The following NELL1 variants were observed in gnomAD, a reference collection of about 807,000 sequenced individuals.
The protein encoded by NELL1 is neural EGFL like 1, also known as protein kinase C-binding protein NELL1.
NELL1 carries 76 observed loss-of-function variants against 107.4 expected under a neutral mutation model. That is an observed-to-expected ratio of 0.71 (90% CI 0.59 to 0.86). The LOEUF is 0.86. NELL1 is among the 40% of genes least tolerant of loss of function. The pLI is 0.00. For missense variants in NELL1, 1,024 were observed against 1,005.5 expected (o/e 1.02, Z -0.25); for synonymous variants, 353 against 341.2 (o/e 1.03, Z -0.38).
intron 15 of NELL1, among the ~76,000 whole-genome samples, chr11:21,523,093 C>T (rs947055742): frequency 6.6e-6 from 1 of 151,884 alleles, no homozygotes; most frequent in African/African-American, 2.4e-5. Flanking sequence ...GTGATCCGCC[C>T]GCCTCGGCAT....
At chr11:20,746,850 T>C (rs1856015541) in intron 2 of NELL1, among the ~76,000 whole-genome samples, 1 of 152,206 alleles carries the variant, frequency 6.6e-6, no homozygotes, top group African/African-American at 2.4e-5. Context: ...TCTACACCAT[T>C]ATATCCTGAA....
At chr11:21,017,670 G>T (rs928400465) in intron 12 of NELL1, among the ~76,000 whole-genome samples, 5 of 152,058 alleles carry the variant, frequency 3.3e-5, no homozygotes, top group African/African-American at 9.7e-5. Flanking sequence ...ACTGGAATAT[G>T]AGCTCCATTC....
At chr11:21,086,665 A>G (rs1854398623) in intron 12 of NELL1, among the ~76,000 whole-genome samples, 1 of 152,126 alleles carries the variant, frequency 6.6e-6, no homozygotes, top group Admixed American at 6.6e-5. Flanking sequence ...ATAATAATTC[A>G]TTAACCCTTT....
At chr11:21,053,250 C>T (rs1002040200) in intron 12 of NELL1, among the ~76,000 whole-genome samples, 3 of 152,098 alleles carry the variant, frequency 2.0e-5, no homozygotes, top group African/African-American at 7.2e-5. Context: ...AGGTATTTCT[C>T]CTAATGCTAT....
intron 15 of NELL1, among the ~76,000 whole-genome samples, chr11:21,497,630 C>A (rs936123311): frequency 2.0e-5 from 3 of 151,674 alleles, no homozygotes; most frequent in South Asian, 2.1e-4. Context: ...CTTTCATACC[C>A]CTCAAAGAAA....
chr11:21,447,738 T>G (rs891858632), intron 15 of NELL1, among the ~76,000 whole-genome samples: 1 of 152,078 alleles, frequency 6.6e-6, no homozygotes, highest in Non-Finnish European at 1.5e-5. Flanking sequence ...TTGCCTGGCT[T>G]GTATCTTACT....
intron 15 of NELL1, among the ~76,000 whole-genome samples, chr11:21,404,009 C>CA (rs768666399): frequency 0.013 from 1,363 of 107,564 alleles, 59 homozygotes; most frequent in Non-Finnish European, 0.021. Context: ...TCCTGAACCC[C>CA]CCCCCCCGCA....
Position 21,283,311 on chromosome 11 carries a change from C to T in NELL1, c.1549+53857C>T, listed in dbSNP as rs990562897. ...ATACATACACACACTATTGTACCCACAAAAATTAAAAATAAATATTTTTTA... is the reference window on the plus strand; with the variant it reads ...ATACATACACACACTATTGTACCCATAAAAATTAAAAATAAATATTTTTTA... On this transcript the variant is annotated intron_variant, in intron 14 of 19. Transcript: ENST00000357134. Among the ~76,000 whole-genome samples, 5 of 151,648 alleles carry T rather than the reference C, an allele frequency of 3.3e-5. No individual in the cohort carries two copies. In the East Asian group the frequency reaches 9.6e-4, roughly 29 times the overall value.
At chr11:20,745,745 T>G (rs1380590672) in intron 2 of NELL1, among the ~76,000 whole-genome samples, 1 of 152,168 alleles carries the variant, frequency 6.6e-6, no homozygotes, top group Admixed American at 6.5e-5. Flanking sequence ...TACCACTGGG[T>G]GTGGGCCACA....
intron 3 of NELL1, among the ~76,000 whole-genome samples, chr11:20,808,978 GT>G (rs1164059345): frequency 5.9e-5 from 9 of 152,174 alleles, no homozygotes; most frequent in African/African-American, 2.2e-4. Context: ...CTGATTTTGG[GT>G]TTTTATAAAG....
At chr11:21,234,456 A>C (rs1289579412) in intron 14 of NELL1, among the ~76,000 whole-genome samples, 1 of 152,166 alleles carries the variant, frequency 6.6e-6, no homozygotes, top group Non-Finnish European at 1.5e-5. Flanking sequence ...TGACCAGTGC[A>C]CCATGATTGG....
At chr11:21,249,281 A>G (rs1333261717) in intron 14 of NELL1, among the ~76,000 whole-genome samples, 1 of 152,162 alleles carries the variant, frequency 6.6e-6, no homozygotes, top group African/African-American at 2.4e-5. Flanking sequence ...CAAAGGGAAG[A>G]CAGTGTTTTA....
chr11:21,326,361 T>C (rs1477468848), intron 14 of NELL1, among the ~76,000 whole-genome samples: 1 of 151,828 alleles, frequency 6.6e-6, no homozygotes, highest in African/African-American at 2.4e-5. Context: ...AGAGACAAAC[T>C]TCAAATAATA....
At chr11:21,245,780 G>A (rs925631248) in intron 14 of NELL1, among the ~76,000 whole-genome samples, 9 of 152,114 alleles carry the variant, frequency 5.9e-5, no homozygotes, top group African/African-American at 2.2e-4. Context: ...TTGACTGCTT[G>A]GCACATAGTA....
At chr11:21,053,351 A>G (rs1565035103) in intron 12 of NELL1, among the ~76,000 whole-genome samples, 1 of 152,056 alleles carries the variant, frequency 6.6e-6, no homozygotes. Flanking sequence ...ACTCCCACTT[A>G]TAAGTGAGAA....
At chr11:21,301,808 T>C (rs1590818206) in intron 14 of NELL1, among the ~76,000 whole-genome samples, 1 of 152,066 alleles carries the variant, frequency 6.6e-6, no homozygotes, top group Non-Finnish European at 1.5e-5. Flanking sequence ...GCAACAAAAC[T>C]CCATATTATT....
chr11:20,774,336 TTCTCTCCTC>T (rs1359068087), intron 2 of NELL1, among the ~76,000 whole-genome samples: 1 of 148,378 alleles, frequency 6.7e-6, no homozygotes, highest in Non-Finnish European at 1.5e-5. Context: ...TTTTCTTTCC[TTCTCTCCTC>T]TCTCTCCTTT....
At chr11:21,243,040 G>A (rs1024261689) in intron 14 of NELL1, among the ~76,000 whole-genome samples, 6 of 151,978 alleles carry the variant, frequency 3.9e-5, no homozygotes, top group Non-Finnish European at 8.8e-5. Context: ...TTTTAAACTT[G>A]CAACAGAGAA....
intron 12 of NELL1, among the ~76,000 whole-genome samples, chr11:21,105,212 G>A (rs146055794): frequency 1.8e-4 from 28 of 152,262 alleles, no homozygotes; most frequent in Non-Finnish European, 3.4e-4. Flanking sequence ...GTGGGGTTAA[G>A]AGTGGAGGTT....
Sources: allele counts gnomAD v4.1 joint callset (sites outside exome capture counted in the v4.1 genomes callset), GRCh38; gene constraint gnomAD v4.1.1; transcripts MANE v1.5; gene names NCBI Gene and HGNC (gene_info 2026-07-23, HGNC 2026-07-21).